The following LGR5 variants were observed in gnomAD, a reference collection of about 807,000 sequenced individuals.
LGR5 encodes the protein leucine-rich repeat-containing G protein-coupled receptor 5.
In LGR5, 54 loss-of-function variants were observed where a neutral mutation model predicts 76.7. The observed-to-expected ratio is 0.70, with a 90% confidence interval of 0.57 to 0.88. LGR5 has a LOEUF of 0.88. LGR5 is among the 40% of genes least tolerant of loss of function. LGR5 has a pLI of 0.00. For missense variants in LGR5, 1,078 were observed against 1,073.3 expected, an observed-to-expected ratio of 1.00 and a Z score of -0.06; for synonymous variants, 406 against 421.9, an observed-to-expected ratio of 0.96 and a Z score of 0.46.
chr12:71,517,276 T>C (rs1234109412), intron 2 of LGR5, among the ~76,000 whole-genome samples: 1 of 152,210 alleles, frequency 6.6e-6, no homozygotes, highest in African/African-American at 2.4e-5. Context: ...GATCTGCCAC[T>C]AGCCCAGCAA....
intron 11 of LGR5, among the ~76,000 whole-genome samples, chr12:71,570,796 G>T (rs1878574330): frequency 6.6e-6 from 1 of 152,128 alleles, no homozygotes; most frequent in South Asian, 2.1e-4. Context: ...TTGCATAGTG[G>T]TGATCTGGTT....
intron 1 of LGR5, among the ~76,000 whole-genome samples, chr12:71,461,761 C>T (rs80047290): frequency 1.4e-3 from 219 of 152,236 alleles, no homozygotes; most frequent in African/African-American, 5.1e-3. Context: ...CACCATTCAA[C>T]TTAAATCACT....
At chr12:71,479,421 G>A (rs1365814500) in intron 1 of LGR5, among the ~76,000 whole-genome samples, 1 of 152,172 alleles carries the variant, frequency 6.6e-6, no homozygotes, top group African/African-American at 2.4e-5. Context: ...AGTATTTACT[G>A]TGTTTCAACA....
Position 71,578,894 on chromosome 12 carries a change from G to C in LGR5, c.1371G>C (p.Gln457His), listed in dbSNP as rs146398590. The C allele has an allele frequency of 1.4e-3, 2,329 of 1,611,756 alleles. 7 individuals carry two copies. The highest frequency in any genetic ancestry group is 1.8e-3 in the Non-Finnish European group (2,087 of 1,178,778). ...HLKLTGNHAL[Q>H]SLISSENFPE... ...AATTAACAGGAAATCATGCCTTACA[G>C]AGCTTGATATCATCTGAAAACTTTC... is the stretch of plus-strand genomic sequence containing the variant. The change falls in exon 15 of 18, where the codon CAG becomes CAC. Residue 457 changes from glutamine to histidine, a missense_variant. By Grantham distance (24) the Gln-to-His change is conservative (BLOSUM62 0). Coordinates refer to ENST00000266674, the MANE Select transcript of LGR5 (RefSeq NM_003667.4).
At chr12:71,579,234 A>G (rs565253810) in intron 15 of LGR5, among the ~76,000 whole-genome samples, 265 of 152,364 alleles carry the variant, frequency 1.7e-3, no homozygotes, top group African/African-American at 5.7e-3. Flanking sequence ...ATTAAATAAC[A>G]TTATAACATT....
chr12:71,477,920 G>A (rs1319703662), intron 1 of LGR5, among the ~76,000 whole-genome samples: 1 of 152,136 alleles, frequency 6.6e-6, no homozygotes, highest in Admixed American at 6.5e-5. Flanking sequence ...TGCCTCTGAG[G>A]CTCCTTTAGC....
chr12:71,539,205 GT>G (rs1314035348), intron 4 of LGR5, among the ~76,000 whole-genome samples: 1 of 152,138 alleles, frequency 6.6e-6, no homozygotes, highest in Non-Finnish European at 1.5e-5. Flanking sequence ...AATTAAAATT[GT>G]TAGTGTTCTA....
chr12:71,487,396 G>C (rs943179645), intron 1 of LGR5, among the ~76,000 whole-genome samples: 13 of 152,090 alleles, frequency 8.5e-5, no homozygotes, highest in African/African-American at 3.1e-4. Flanking sequence ...TCACTGAACA[G>C]TACTTTTAGT....
intron 17 of LGR5, chr12:71,583,346 T>C (rs1441579571): frequency 3.2e-6 from 1 of 311,072 alleles, no homozygotes; most frequent in Non-Finnish European, 5.9e-6. Context: ...TCTGGCTTTT[T>C]ACCTGGCTCC....
intron 1 of LGR5, among the ~76,000 whole-genome samples, chr12:71,503,523 G>A (rs1592496147): frequency 6.6e-6 from 1 of 152,094 alleles, no homozygotes; most frequent in Non-Finnish European, 1.5e-5. Context: ...TCAATTCTTA[G>A]CGTCATTGAT....
At chr12:71,558,261 A>C (rs1377731978) in intron 6 of LGR5, among the ~76,000 whole-genome samples, 1 of 152,240 alleles carries the variant, frequency 6.6e-6, no homozygotes, top group Non-Finnish European at 1.5e-5. Flanking sequence ...AACAGGAATG[A>C]AAAACAAGAT....
At chr12:71,489,090 G>T (rs1592484124) in intron 1 of LGR5, among the ~76,000 whole-genome samples, 1 of 151,982 alleles carries the variant, frequency 6.6e-6, no homozygotes. Context: ...TCCCACTAAG[G>T]GTGGCAATCA....
At chr12:71,453,232 T>G (rs1001107983) in intron 1 of LGR5, among the ~76,000 whole-genome samples, 2 of 152,218 alleles carry the variant, frequency 1.3e-5, no homozygotes, top group Non-Finnish European at 2.9e-5. Flanking sequence ...TTTCTGATCC[T>G]TGGTATCAAA....
intron 1 of LGR5, among the ~76,000 whole-genome samples, chr12:71,483,403 G>C (rs998210902): frequency 6.6e-6 from 1 of 152,208 alleles, no homozygotes; most frequent in African/African-American, 2.4e-5. Context: ...GACTGGCAAA[G>C]AGGAAAGCCA....
At chr12:71,534,035 G>A (rs986212465) in intron 3 of LGR5, among the ~76,000 whole-genome samples, 1 of 152,190 alleles carries the variant, frequency 6.6e-6, no homozygotes, top group African/African-American at 2.4e-5. Flanking sequence ...TTGCAGAGAT[G>A]AAAGAACCAG....
chr12:71,494,182 G>A (rs893167993), intron 1 of LGR5, among the ~76,000 whole-genome samples: 9 of 150,682 alleles, frequency 6.0e-5, no homozygotes, highest in South Asian at 2.1e-4. Context: ...TCCTGACCTC[G>A]TGATCTGCCC....
chr12:71,558,844 G>A (rs1425260386), intron 6 of LGR5, among the ~76,000 whole-genome samples: 1 of 152,146 alleles, frequency 6.6e-6, no homozygotes, highest in African/African-American at 2.4e-5. Context: ...GCACTTGTGA[G>A]TAATGAAATT....
At chr12:71,504,770 A>G in intron 2 of LGR5, 85 bp downstream of exon 2, 1 of 1,157,760 alleles carries the variant, frequency 8.6e-7, no homozygotes, top group Admixed American at 1.7e-5. Flanking sequence ...TGGGAACCAG[A>G]TAAAACAAGG....
At position 71,439,974 on chromosome 12, in the gene LGR5, G is replaced by C; in HGVS notation, c.-107G>C. 2 of 1,014,064 alleles carry C rather than the reference G, an allele frequency of 2.0e-6. No individual in the cohort carries two copies. Among genetic ancestry groups the C allele is most frequent in the Non-Finnish European group, 2.9e-6 (2 of 698,354 alleles). 62.8% of individuals were successfully genotyped at this position (1,014,064 alleles called of 1,614,324 possible). A position where few individuals can be genotyped will look rare whatever the true frequency, so the allele number is the denominator to read the frequency against. ...GCGGCGTCTGGCGCTGCAGACGCCC[G>C]CTGAGTTGCAGAAGCCCACGGAGCG... On this transcript the variant is annotated 5_prime_UTR_variant, in exon 1 of 18. Coordinates refer to ENST00000266674, the MANE Select transcript of LGR5 (RefSeq NM_003667.4).
Sources: gnomAD v4.1 joint callset for allele counts (sites outside exome capture counted in the v4.1 genomes callset) on GRCh38, gnomAD v4.1.1 for gene constraint, MANE v1.5 for transcripts, NCBI Gene and HGNC (gene_info 2026-07-23, HGNC 2026-07-21) for gene names.